The following SLC22A9 variants were observed in gnomAD, a reference collection of about 807,000 sequenced individuals.
SLC22A9 encodes organic anion transporter 7.
Under a neutral mutation model 50.1 loss-of-function variants are expected in SLC22A9, and 64 were observed. The ratio of observed to expected loss-of-function variants is 1.28; its 90% CI spans 1.04 to 1.57. The LOEUF (loss-of-function observed/expected upper bound fraction) is 1.57. SLC22A9 is among the 40% of genes most tolerant of loss of function. The pLI is 0.00. For missense variants in SLC22A9, 757 were observed against 676.1 expected (o/e 1.12, Z -1.33); for synonymous variants, 261 against 242.5 (o/e 1.08, Z -0.71).
intron 6 of SLC22A9, among the ~76,000 whole-genome samples, chr11:63,385,922 C>T (rs1415679011): frequency 6.6e-6 from 1 of 152,060 alleles, no homozygotes; most frequent in Non-Finnish European, 1.5e-5. Context: ...ATGATATTGT[C>T]TGTGGGTCTG....
At chr11:63,401,071 C>T (rs1377640171) in intron 6 of SLC22A9, among the ~76,000 whole-genome samples, 1 of 151,970 alleles carries the variant, frequency 6.6e-6, no homozygotes, top group Non-Finnish European at 1.5e-5. Context: ...AAAATGAAAG[C>T]TCTTCTTCTA....
At chr11:63,371,932 C>T (rs1351492924) in intron 2 of SLC22A9, among the ~76,000 whole-genome samples, 1 of 152,100 alleles carries the variant, frequency 6.6e-6, no homozygotes, top group Admixed American at 6.6e-5. Context: ...ACTTGAAGTG[C>T]CACTTGCCAT....
intron 2 of SLC22A9, 128 bp from the exon 3 acceptor site, chr11:63,373,516 C>T: frequency 1.1e-6 from 1 of 903,688 alleles, no homozygotes; most frequent in Non-Finnish European, 1.6e-6. Context: ...ATTACTGATT[C>T]TTTAAGGCTT....
intron 7 of SLC22A9, 108 bp downstream of exon 7, chr11:63,406,819 T>C: frequency 3.2e-6 from 4 of 1,257,070 alleles, no homozygotes; most frequent in Non-Finnish European, 3.2e-6. Context: ...AATTGGGTTC[T>C]TAGGATTTCC....
At chr11:63,406,473 T>A in intron 6 of SLC22A9, 24 bp from the exon 7 acceptor site, 1 of 1,596,016 alleles carries the variant, frequency 6.3e-7, no homozygotes, top group Non-Finnish European at 8.6e-7. Flanking sequence ...TATAATATGT[T>A]TCTTTCCTTT....
intron 6 of SLC22A9, among the ~76,000 whole-genome samples, chr11:63,396,959 G>A (rs1029894441): frequency 6.6e-6 from 1 of 152,080 alleles, no homozygotes; most frequent in African/African-American, 2.4e-5. Context: ...TGAAAACTTA[G>A]GTATTTATTG....
intron 2 of SLC22A9, 137 bp downstream of exon 2, chr11:63,371,375 T>C: frequency 7.8e-6 from 5 of 640,700 alleles, no homozygotes; most frequent in Admixed American, 3.2e-5. Flanking sequence ...AGGAAATTTT[T>C]AGTCCGTGTT....
At chr11:63,396,447 A>G (rs114483868) in intron 6 of SLC22A9, among the ~76,000 whole-genome samples, 71 of 152,234 alleles carry the variant, frequency 4.7e-4, no homozygotes, top group African/African-American at 1.5e-3. Flanking sequence ...AACTTCCTGC[A>G]AAGTAGACCT....
rs529722883 is a variant in SLC22A9 at position 63,382,289 on chromosome 11, G to C, written c.1073+12G>C. 9 of 1,588,694 alleles carry C rather than the reference G, an allele frequency of 5.7e-6. No homozygotes were observed. In the African/African-American group the frequency reaches 1.1e-4, roughly 19 times the overall value. Reference sequence around the variant, plus strand: ...CTGTCCTTTACGAGGTAAGCTTCATGCAGTGTTTGAGGGTAAGTTACAGTA... The same window carrying C: ...CTGTCCTTTACGAGGTAAGCTTCATCCAGTGTTTGAGGGTAAGTTACAGTA... On this transcript the variant is annotated intron_variant, in intron 6 of 9. Coordinates refer to ENST00000279178, the MANE Select transcript of SLC22A9 (RefSeq NM_080866.3).
chr11:63,386,150 C>T (rs188398248), intron 6 of SLC22A9, among the ~76,000 whole-genome samples: 27 of 152,218 alleles, frequency 1.8e-4, no homozygotes, highest in East Asian at 5.8e-4. Flanking sequence ...CCGACTTCAT[C>T]GGGGTTAATA....
intron 6 of SLC22A9, among the ~76,000 whole-genome samples, chr11:63,390,047 T>G (rs1182208258): frequency 6.6e-6 from 1 of 152,232 alleles, no homozygotes; most frequent in Non-Finnish European, 1.5e-5. Context: ...GTAAATTTGT[T>G]TAAGTTCCTT....
chr11:63,377,796 A>G (rs1437030436), intron 5 of SLC22A9, among the ~76,000 whole-genome samples: 1 of 152,108 alleles, frequency 6.6e-6, no homozygotes, highest in Non-Finnish European at 1.5e-5. Context: ...AGATGGATAG[A>G]CTTTCTTAAA....
chr11:63,377,186 T>C lies in SLC22A9; in HGVS notation c.954+1418T>C, dbSNP rs191273098. 2.7e-4 allele frequency among the ~76,000 whole-genome samples: 41 copies of C among 152,100 alleles called. 1 individual carries two copies. The East Asian group carries it at 7.7e-3, about 29-fold the overall frequency. ...ATGTTCAGGAACTAAACTCAACACT[T>C]GACCAAATGGACCTAACAGATATCT... is the stretch of plus-strand genomic sequence containing the variant. On this transcript the variant is annotated intron_variant, in intron 5 of 9. Coordinates refer to ENST00000279178, the MANE Select transcript of SLC22A9 (RefSeq NM_080866.3).
intron 6 of SLC22A9, among the ~76,000 whole-genome samples, chr11:63,393,872 G>T (rs1003926874): frequency 2.0e-5 from 3 of 152,046 alleles, no homozygotes; most frequent in African/African-American, 4.8e-5. Flanking sequence ...AGTTCTCCTG[G>T]ATAATATTCT....
At position 63,406,690 on chromosome 11, in the gene SLC22A9, GC is replaced by G; in HGVS notation, c.1269del (p.Ile424SerfsTer20). ...GTTCCTACTGGCAATCTGCCTTCTG[GC>G]CATCATATTTGTGCCACAAGGTGAG... ...LMFLLAICLL[A>X]IIFVPQEMQT... On this transcript the variant is annotated frameshift_variant, in exon 7 of 10. Coordinates refer to ENST00000279178, the MANE Select transcript of SLC22A9 (RefSeq NM_080866.3). LOFTEE classifies it high-confidence loss of function. The G allele has an allele frequency of 6.2e-7, 1 of 1,613,548 alleles. No individual in the cohort carries two copies. The highest frequency in any genetic ancestry group is 8.5e-7 in the Non-Finnish European group (1 of 1,179,746).
intron 6 of SLC22A9, among the ~76,000 whole-genome samples, chr11:63,399,788 G>A (rs892497076): frequency 6.6e-6 from 1 of 152,072 alleles, no homozygotes; most frequent in African/African-American, 2.4e-5. Context: ...GATAGACCAT[G>A]TTAGAACACA....
intron 5 of SLC22A9, among the ~76,000 whole-genome samples, chr11:63,380,059 A>G (rs2014533566): frequency 6.6e-6 from 1 of 152,078 alleles, no homozygotes. Context: ...AAAAAGACAT[A>G]CACACAGCCA....
rs1184974995 is a variant in SLC22A9, at chr11:63,406,615, C to T, written c.1192C>T (p.Pro398Ser). 5 of 1,613,724 alleles carry T rather than the reference C, an allele frequency of 3.1e-6. No homozygotes were observed. The African/African-American group carries it at 5.3e-5, about 17-fold the overall frequency. ...CATCCTCCTGGCCAACTGTGTTGCA[C>T]CTTGGGCACTGAAATACATGAACCG... ...AVILLANCVAPWALKYMNRRA... is the reference protein window; with the variant it reads ...AVILLANCVASWALKYMNRRA... Residue 398 changes from proline (P) to serine (S), a missense_variant, in exon 7 of 10, where the codon CCT becomes TCT. Transcript: ENST00000279178.
intron 6 of SLC22A9, among the ~76,000 whole-genome samples, chr11:63,392,641 T>C (rs1308242275): frequency 6.6e-6 from 1 of 152,110 alleles, no homozygotes; most frequent in Non-Finnish European, 1.5e-5. Flanking sequence ...TCTTCTGCTT[T>C]TAGAATTTTT....
Sources: gnomAD v4.1 joint callset for allele counts (sites outside exome capture counted in the v4.1 genomes callset) on GRCh38, gnomAD v4.1.1 for gene constraint, MANE v1.5 for transcripts, NCBI Gene and HGNC (gene_info 2026-07-23, HGNC 2026-07-21) for gene names.